The following PCDHA4 variants were observed in gnomAD, a reference collection of about 807,000 sequenced individuals.
The protein encoded by PCDHA4 is protocadherin alpha-4.
PCDHA4 carries 49 observed loss-of-function variants against 61.4 expected under a neutral mutation model. The ratio of observed to expected loss-of-function variants is 0.80; its 90% CI spans 0.63 to 1.01. The LOEUF (loss-of-function observed/expected upper bound fraction) is 1.01. Among genes scored for constraint, PCDHA4 ranks in the 50% least tolerant of loss-of-function variants. The probability of loss-of-function intolerance (pLI) is 0.00; values close to 1 mark genes in which losing one functional copy is unlikely to be tolerated. For synonymous variants in PCDHA4, 590 were observed against 550.3 expected (o/e 1.07, Z -1.01); for missense variants, 1,254 against 1,235.8 (o/e 1.01, Z -0.22).
intron 1 of PCDHA4, chr5:140,842,198 T>A: frequency 6.2e-7 from 1 of 1,613,764 alleles, no homozygotes. Flanking sequence ...TATTGACCAC[T>A]TTAGCATAGA....
chr5:140,854,688 G>A (rs1468709591), intron 1 of PCDHA4: 2 of 149,770 alleles, frequency 1.3e-5, no homozygotes, highest in Non-Finnish European at 3.0e-5. Context: ...TATGTCTGTT[G>A]TTAAGTTTTC....
chr5:140,900,446 T>G (rs1344652526), intron 1 of PCDHA4, among the ~76,000 whole-genome samples: 1 of 152,154 alleles, frequency 6.6e-6, no homozygotes, highest in Non-Finnish European at 1.5e-5. Flanking sequence ...GCCGGCTAAT[T>G]TTTTATTTTT....
chr5:140,997,831 A>G (rs938860065), intron 3 of PCDHA4, among the ~76,000 whole-genome samples: 3 of 152,210 alleles, frequency 2.0e-5, no homozygotes, highest in African/African-American at 4.8e-5. Context: ...TTTCTAAACA[A>G]TACAATATAC....
intron 3 of PCDHA4, among the ~76,000 whole-genome samples, chr5:141,002,660 T>C (rs1366913026): frequency 1.3e-5 from 2 of 152,170 alleles, no homozygotes; most frequent in Admixed American, 1.3e-4. Context: ...AGGGCTCTTG[T>C]CAGGACCAAA....
At chr5:140,870,392 GT>G in intron 1 of PCDHA4, 1 of 1,614,254 alleles carries the variant, frequency 6.2e-7, no homozygotes, top group Middle Eastern at 1.6e-4. Flanking sequence ...CGGGATGGGG[GT>G]TCGCCTTCTC....
At chr5:140,857,399 G>C (rs375062704) in intron 1 of PCDHA4, 4 of 1,598,394 alleles carry the variant, frequency 2.5e-6, no homozygotes, top group Admixed American at 3.4e-5. Flanking sequence ...GAACGACAAC[G>C]CGCCTGCGTT....
chr5:140,876,718 G>C, intron 1 of PCDHA4: 1 of 1,614,242 alleles, frequency 6.2e-7, no homozygotes, highest in Non-Finnish European at 8.5e-7. Context: ...CCTGGACCGC[G>C]AGAGCGTGTC....
chr5:140,871,877 G>A (rs1554165902), intron 1 of PCDHA4, among the ~76,000 whole-genome samples: 2 of 152,144 alleles, frequency 1.3e-5, no homozygotes, highest in African/African-American at 4.8e-5. Flanking sequence ...ATTTAAATTT[G>A]CTCCTCTTTG....
In PCDHA4 at chr5:141,011,182, G is replaced by C. The variant is rs887034679; in HGVS notation, c.*1245G>C. The C allele has an allele frequency of 6.5e-6, 1 of 153,494 alleles. No individual in the cohort carries two copies. Among genetic ancestry groups the C allele is most frequent in the African/African-American group, 2.4e-5 (1 of 41,364 alleles). The allele number at this position is 153,494 out of a possible 1,614,324, so 9.5% of individuals were successfully genotyped here. A position where few individuals can be genotyped will look rare whatever the true frequency, so the allele number is the denominator to read the frequency against. On this transcript the variant is annotated 3_prime_UTR_variant, in exon 4 of 4. Coordinates refer to ENST00000530339, the MANE Select transcript of PCDHA4 (RefSeq NM_018907.4). The stretch of plus-strand genomic sequence containing the variant: ...TATATATCAAGACCCAAAAATTGAA[G>C]AAAAATATTGTTTTCTCATACAGTG...
intron 1 of PCDHA4, chr5:140,875,557 G>A (rs2055595805): frequency 6.2e-7 from 1 of 1,613,946 alleles, no homozygotes; most frequent in Non-Finnish European, 8.5e-7. Flanking sequence ...GGTGGGGAGC[G>A]GCCAGCTCCA....
chr5:140,831,696 A>G (rs946538219), intron 1 of PCDHA4, among the ~76,000 whole-genome samples: 3 of 152,070 alleles, frequency 2.0e-5, no homozygotes, highest in African/African-American at 7.2e-5. Flanking sequence ...AGCAGCAAAA[A>G]GTAGTGATTA....
At chr5:140,985,310 TG>T (rs1563522847) in intron 3 of PCDHA4, among the ~76,000 whole-genome samples, 2 of 152,196 alleles carry the variant, frequency 1.3e-5, no homozygotes, top group African/African-American at 4.8e-5. Flanking sequence ...GATAGCCTGG[TG>T]GCCAGAATTC....
chr5:140,877,121 C>A, intron 1 of PCDHA4: 1 of 1,613,694 alleles, frequency 6.2e-7, no homozygotes, highest in African/African-American at 1.3e-5. Flanking sequence ...AGCAACGTGA[C>A]GCTGCAGGTG....
intron 3 of PCDHA4, among the ~76,000 whole-genome samples, chr5:140,984,938 G>A (rs1355399601): frequency 2.0e-5 from 3 of 151,924 alleles, no homozygotes; most frequent in Non-Finnish European, 2.9e-5. Flanking sequence ...GTTAATAAAT[G>A]TCTAATCTTT....
intron 1 of PCDHA4, among the ~76,000 whole-genome samples, chr5:140,947,404 T>G (rs1305199507): frequency 6.6e-6 from 1 of 151,736 alleles, no homozygotes; most frequent in Non-Finnish European, 1.5e-5. Flanking sequence ...GTAGACTGTC[T>G]TGATATTGTA....
rs528503686 is a variant in PCDHA4, at chr5:140,807,480, G to A, written c.293G>A (p.Arg98Gln). 18 of 1,613,360 alleles carry A rather than the reference G, an allele frequency of 1.1e-5. No homozygotes were observed. Among genetic ancestry groups the A allele is most frequent in the East Asian group, 2.2e-5 (1 of 44,844 alleles). Residue 98 changes from arginine (R) to glutamine (Q), a missense_variant, in exon 1 of 4, where the codon CGG (arginine) becomes CAG (glutamine). Coordinates refer to ENST00000530339, the MANE Select transcript of PCDHA4 (RefSeq NM_018907.4). ...SRIDREELCRRSAECSIHLEV... is the reference protein window; with the variant it reads ...SRIDREELCRQSAECSIHLEV... Reference sequence around the variant, plus strand: ...ATCGACCGGGAGGAGCTGTGCCGGCGGAGCGCGGAGTGCAGCATCCACCTG... The same window carrying A: ...ATCGACCGGGAGGAGCTGTGCCGGCAGAGCGCGGAGTGCAGCATCCACCTG...
chr5:140,950,826 G>A (rs1554219646), intron 1 of PCDHA4, among the ~76,000 whole-genome samples: 1 of 151,824 alleles, frequency 6.6e-6, no homozygotes, highest in African/African-American at 2.4e-5. Flanking sequence ...TTAAAGTTTG[G>A]TCCTTTAAGA....
chr5:140,858,695 T>C (rs563307566), intron 1 of PCDHA4: 3 of 571,446 alleles, frequency 5.2e-6, no homozygotes, highest in Admixed American at 3.6e-5. Flanking sequence ...TATTTTCCAA[T>C]ACAAATATGT....
chr5:140,880,338 C>T (rs887426306), intron 1 of PCDHA4, among the ~76,000 whole-genome samples: 10 of 152,130 alleles, frequency 6.6e-5, no homozygotes, highest in African/African-American at 1.7e-4. Context: ...AAAAATAAGA[C>T]AGGCAGCAGG....
Sources: gnomAD v4.1 joint callset for allele counts (sites outside exome capture counted in the v4.1 genomes callset) on GRCh38, gnomAD v4.1.1 for gene constraint, MANE v1.5 for transcripts, NCBI Gene and HGNC (gene_info 2026-07-23, HGNC 2026-07-21) for gene names.